The following PTPRM variants were observed in gnomAD, a reference collection of about 807,000 sequenced individuals.
The protein encoded by PTPRM is protein tyrosine phosphatase receptor type M.
Under a neutral mutation model 186.7 loss-of-function variants are expected in PTPRM, and 47 were observed. That is an observed-to-expected ratio of 0.25 (90% CI 0.20 to 0.32). The LOEUF is 0.32. Ranked by LOEUF, PTPRM falls within the 10% of genes least tolerant of loss-of-function variation. PTPRM has a pLI of 1.00. For synonymous variants in PTPRM, 668 were observed against 674.9 expected (o/e 0.99, Z 0.16); for missense variants, 1,494 against 1,865.0 (o/e 0.80, Z 3.66).
At chr18:7,866,196 C>T (rs2047682862) in intron 2 of PTPRM, among the ~76,000 whole-genome samples, 1 of 152,060 alleles carries the variant, frequency 6.6e-6, no homozygotes, top group African/African-American at 2.4e-5. Context: ...TTCAGTTCTG[C>T]TCTGATCGTA....
At chr18:7,658,335 T>G (rs1006465778) in intron 1 of PTPRM, among the ~76,000 whole-genome samples, 5 of 91,864 alleles carry the variant, frequency 5.4e-5, no homozygotes, top group Non-Finnish European at 7.7e-5. Flanking sequence ...TAAATTTATA[T>G]ATATATATAT....
intron 4 of PTPRM, among the ~76,000 whole-genome samples, chr18:7,908,516 T>G (rs1430836167): frequency 6.6e-6 from 1 of 152,242 alleles, no homozygotes; most frequent in African/African-American, 2.4e-5. Context: ...ACCTGATGAA[T>G]GTATCATGAC....
intron 1 of PTPRM, among the ~76,000 whole-genome samples, chr18:7,588,693 G>A (rs1411702989): frequency 2.0e-5 from 3 of 152,164 alleles, no homozygotes; most frequent in Non-Finnish European, 4.4e-5. Context: ...AACACCAGAA[G>A]TAATTTTTTG....
chr18:7,891,695 T>C (rs2049091821), intron 3 of PTPRM, among the ~76,000 whole-genome samples: 1 of 151,892 alleles, frequency 6.6e-6, no homozygotes, highest in South Asian at 2.1e-4. Context: ...GTCAACATGG[T>C]GAAACCCCAT....
intron 15 of PTPRM, among the ~76,000 whole-genome samples, chr18:8,247,343 A>T (rs1315420168): frequency 6.6e-6 from 1 of 152,216 alleles, no homozygotes; most frequent in Non-Finnish European, 1.5e-5. Context: ...ATACTAAGGA[A>T]CACGCATGGA....
At chr18:8,269,529 G>GA (rs34590570) in intron 19 of PTPRM, among the ~76,000 whole-genome samples, 17,881 of 151,414 alleles carry the variant, frequency 0.12, 1,449 homozygotes, top group Middle Eastern at 0.21. Context: ...TAACAAATAG[G>GA]AAAAAAAATT....
At chr18:8,340,552 C>T (rs943349432) in intron 22 of PTPRM, among the ~76,000 whole-genome samples, 3 of 152,150 alleles carry the variant, frequency 2.0e-5, no homozygotes, top group African/African-American at 7.2e-5. Context: ...TTAACTGATG[C>T]CCAGCCGCAG....
At chr18:7,836,426 C>G (rs886207352) in intron 2 of PTPRM, among the ~76,000 whole-genome samples, 1 of 152,090 alleles carries the variant, frequency 6.6e-6, no homozygotes, top group Non-Finnish European at 1.5e-5. Flanking sequence ...TATCTTCTTG[C>G]ACTATGTCTT....
intron 13 of PTPRM, among the ~76,000 whole-genome samples, chr18:8,118,788 A>G (rs1425884717): frequency 2.2e-5 from 3 of 133,394 alleles, no homozygotes; most frequent in Non-Finnish European, 3.2e-5. Flanking sequence ...AGACAGAGTG[A>G]CATTCCATCT....
chr18:7,645,834 G>T (rs150632536), intron 1 of PTPRM, among the ~76,000 whole-genome samples: 84 of 152,320 alleles, frequency 5.5e-4, no homozygotes, highest in African/African-American at 1.9e-3. Context: ...TCAGGAGTTT[G>T]CAAGGATCTT....
chr18:7,998,377 A>G (rs2083666499), intron 7 of PTPRM, among the ~76,000 whole-genome samples: 2 of 152,088 alleles, frequency 1.3e-5, no homozygotes, highest in South Asian at 4.1e-4. Context: ...GAGACTGAGA[A>G]GGGTAAGGGG....
intron 23 of PTPRM, among the ~76,000 whole-genome samples, chr18:8,344,448 G>GTATGTA (rs2095493970): frequency 6.0e-5 from 2 of 33,420 alleles, no homozygotes; most frequent in African/African-American, 1.5e-4. Context: ...GTGTGTGTGT[G>GTATGTA]TATATATATA....
At chr18:8,019,536 A>G (rs1053189403) in intron 7 of PTPRM, among the ~76,000 whole-genome samples, 2 of 151,888 alleles carry the variant, frequency 1.3e-5, no homozygotes, top group African/African-American at 4.8e-5. Flanking sequence ...TATTTTTTAA[A>G]ACTATGCAGC....
intron 13 of PTPRM, among the ~76,000 whole-genome samples, chr18:8,116,071 A>G (rs1455814271): frequency 6.6e-6 from 1 of 152,244 alleles, no homozygotes; most frequent in Admixed American, 6.5e-5. Context: ...TACTGAAATT[A>G]TAGCTGCTTA....
chr18:8,155,792 G>A (rs2093109247), intron 14 of PTPRM, among the ~76,000 whole-genome samples: 1 of 152,208 alleles, frequency 6.6e-6, no homozygotes, highest in Non-Finnish European at 1.5e-5. Context: ...TACATGTGAG[G>A]TAGTTTCTTT....
At chr18:7,906,069 A>G (rs1454175209) in intron 3 of PTPRM, among the ~76,000 whole-genome samples, 1 of 152,054 alleles carries the variant, frequency 6.6e-6, no homozygotes, top group East Asian at 1.9e-4. Context: ...TGGGTGGGGA[A>G]TCCTTTCTAT....
chr18:8,247,672 G>A (rs1479638355), intron 15 of PTPRM, among the ~76,000 whole-genome samples, 173 bp from the exon 16 acceptor site: 1 of 152,152 alleles, frequency 6.6e-6, no homozygotes, highest in Non-Finnish European at 1.5e-5. Flanking sequence ...TCTTCTAAAG[G>A]ATAAGTAAGT....
intron 22 of PTPRM, among the ~76,000 whole-genome samples, chr18:8,328,350 C>T (rs2095391247): frequency 6.6e-6 from 1 of 152,188 alleles, no homozygotes; most frequent in Admixed American, 6.5e-5. Flanking sequence ...GAGATGAACA[C>T]TTGAAATTAT....
At chr18:7,898,047 G>A (rs1805577770) in intron 3 of PTPRM, among the ~76,000 whole-genome samples, 1 of 152,124 alleles carries the variant, frequency 6.6e-6, no homozygotes, top group Admixed American at 6.5e-5. Flanking sequence ...CTGATAACAT[G>A]TCAATACAAA....
Sources: allele counts gnomAD v4.1 joint callset (sites outside exome capture counted in the v4.1 genomes callset), GRCh38; gene constraint gnomAD v4.1.1; transcripts MANE v1.5; gene names NCBI Gene and HGNC (gene_info 2026-07-23, HGNC 2026-07-21).